Variants in NEO1 observed in about 807,000 individuals in gnomAD.
The protein encoded by NEO1 is neogenin.
NEO1 carries 63 observed loss-of-function variants against 159.7 expected under a neutral mutation model. That is an observed-to-expected ratio of 0.39 (90% CI 0.32 to 0.49). The LOEUF is 0.49. Among genes scored for constraint, NEO1 ranks in the 20% least tolerant of loss-of-function variants. NEO1 has a pLI of 0.85. For synonymous variants in NEO1, 633 were observed against 662.0 expected (o/e 0.96, Z 0.67); for missense variants, 1,615 against 1,831.0 (o/e 0.88, Z 2.15).
At chr15:73,137,233 A>T (rs1231486735) in intron 5 of NEO1, among the ~76,000 whole-genome samples, 1 of 152,190 alleles carries the variant, frequency 6.6e-6, no homozygotes, top group African/African-American at 2.4e-5. Context: ...ATGCTATCTC[A>T]TAGATAATTA....
At chr15:73,054,157 C>T (rs2067592875) in intron 1 of NEO1, among the ~76,000 whole-genome samples, 1 of 152,204 alleles carries the variant, frequency 6.6e-6, no homozygotes, top group Non-Finnish European at 1.5e-5. Context: ...ACTGATCCAA[C>T]TGTCTCTTAG....
intron 3 of NEO1, 117 bp from the exon 4 acceptor site, chr15:73,126,300 G>A (rs1192859637): frequency 2.3e-6 from 2 of 851,970 alleles, no homozygotes; most frequent in East Asian, 2.5e-5. Context: ...AAACTCCTGG[G>A]CTCAAGCAGT....
intron 7 of NEO1, among the ~76,000 whole-genome samples, chr15:73,181,141 T>G (rs971291143): frequency 2.0e-5 from 3 of 152,200 alleles, no homozygotes; most frequent in African/African-American, 7.2e-5. Context: ...TTCTAGATGT[T>G]AATTCAAAGG....
At position 73,260,420 on chromosome 15, in the gene NEO1, A is replaced by C; in HGVS notation, c.2353A>C (p.Ile785Leu). 1 of 1,613,954 alleles carries C rather than the reference A, an allele frequency of 6.2e-7. No homozygotes were observed. Among genetic ancestry groups the C allele is most frequent in the African/African-American group, 1.3e-5 (1 of 75,034 alleles). Residue 785 changes from isoleucine (I) to leucine (L), a missense_variant, in exon 15 of 29, where the codon ATC (isoleucine) becomes CTC (leucine). Around this residue, in one of 3 missense-constraint regions of NEO1, gnomAD observed 1,018 missense variants for 1,115.4 expected, o/e 0.91. Transcript: ENST00000261908. ...YGIGSPHAQT[I>L]KVDYKQRYYT... ...CATTGGCAGCCCTCATGCCCAGACC[A>C]TCAAAGTGGACTATAAACAGCGCTA... is the stretch of plus-strand genomic sequence containing the variant.
At chr15:73,297,563 A>G (rs2042423143) in intron 26 of NEO1, among the ~76,000 whole-genome samples, 1 of 152,228 alleles carries the variant, frequency 6.6e-6, no homozygotes, top group Non-Finnish European at 1.5e-5. Context: ...TCACCCAGCT[A>G]GTACACAAAG....
chr15:73,254,803 G>T lies in NEO1; in HGVS notation c.2066G>T (p.Gly689Val). The change falls in exon 13 of 29, where the codon GGG becomes GTG. Residue 689 changes from glycine (G) to valine (V), a missense_variant. Gly to Val is a moderately radical substitution (Grantham distance 109). Transcript: ENST00000261908. ...KSDVTETLVS[G>V]TQLSQLIEGL... Reference sequence around the variant, plus strand: ...GATGTCACTGAGACCTTGGTAAGCGGGACACAGCTGTCTCAGCTGATTGAA... The same window carrying T: ...GATGTCACTGAGACCTTGGTAAGCGTGACACAGCTGTCTCAGCTGATTGAA... 6.2e-7 allele frequency: 1 copy of T among 1,613,864 alleles called. No individual in the cohort carries two copies. The highest frequency in any genetic ancestry group is 2.2e-5 in the East Asian group (1 of 44,876).
intron 5 of NEO1, among the ~76,000 whole-genome samples, chr15:73,147,845 A>C (rs2033040692): frequency 6.7e-6 from 1 of 149,100 alleles, no homozygotes; most frequent in African/African-American, 2.5e-5. Flanking sequence ...ACAAAATCTC[A>C]CTATGTCGCC....
chr15:73,249,648 C>G lies in NEO1; in HGVS notation c.1821C>G (p.Phe607Leu). 1 of 1,613,806 alleles carries G rather than the reference C, an allele frequency of 6.2e-7. No homozygotes were observed. Reference sequence around the variant, plus strand: ...TGAAAAAATATACAGAGTATAGTTTCCGAGTGGTGGCCTACAATAAACATG... The same window carrying G: ...TGAAAAAATATACAGAGTATAGTTTGCGAGTGGTGGCCTACAATAAACATG... ...NGLKKYTEYSFRVVAYNKHGP... is the reference protein window; with the variant it reads ...NGLKKYTEYSLRVVAYNKHGP... Residue 607 changes from phenylalanine (F) to leucine (L), a missense_variant, in exon 11 of 29, where the codon TTC becomes TTG. By Grantham distance (22) the Phe-to-Leu change is conservative. Coordinates refer to ENST00000261908, the MANE Select transcript of NEO1 (RefSeq NM_002499.4).
chr15:73,277,458 C>T (rs1171241154), intron 21 of NEO1, among the ~76,000 whole-genome samples: 1 of 152,170 alleles, frequency 6.6e-6, no homozygotes, highest in African/African-American at 2.4e-5. Flanking sequence ...TCAGCAGCCT[C>T]ACTTAGTATG....
intron 7 of NEO1, chr15:73,221,991 T>C (rs1000020828): frequency 6.6e-6 from 1 of 152,436 alleles, no homozygotes; most frequent in African/African-American, 2.4e-5. Flanking sequence ...GTACCTCAGA[T>C]GGAAATGCAG....
chr15:73,177,549 A>AG (rs2035349386), intron 6 of NEO1, among the ~76,000 whole-genome samples: 1 of 151,972 alleles, frequency 6.6e-6, no homozygotes, highest in South Asian at 2.1e-4. Flanking sequence ...GTAGTTAAAA[A>AG]TTTTTTTTGT....
At chr15:73,209,714 G>A (rs2061890) in intron 7 of NEO1, among the ~76,000 whole-genome samples, 43,754 of 152,012 alleles carry the variant, frequency 0.29, 7,344 homozygotes, top group East Asian at 0.57. Flanking sequence ...TAGCTTGGCC[G>A]GGCACGGTGG....
At chr15:73,099,219 C>T (rs989063837) in intron 1 of NEO1, among the ~76,000 whole-genome samples, 4 of 152,020 alleles carry the variant, frequency 2.6e-5, no homozygotes, top group African/African-American at 7.2e-5. Flanking sequence ...AGAGGTTTCC[C>T]CTCTTTTCTT....
intron 1 of NEO1, among the ~76,000 whole-genome samples, chr15:73,065,423 A>G (rs1417105348): frequency 2.0e-5 from 3 of 152,122 alleles, no homozygotes; most frequent in African/African-American, 7.2e-5. Context: ...TCTGTCTGAA[A>G]ACATTTGTAT....
intron 16 of NEO1, among the ~76,000 whole-genome samples, chr15:73,267,224 C>G (rs2040947995): frequency 6.6e-6 from 1 of 152,160 alleles, no homozygotes; most frequent in Non-Finnish European, 1.5e-5. Flanking sequence ...TGCCACTGCA[C>G]TCCAGGCTAG....
rs371751098 is a variant in NEO1 at position 73,249,081 on chromosome 15, C to G, written c.1628C>G (p.Pro543Arg). Residue 543 changes from proline (P) to arginine (R), a missense_variant, in exon 10 of 29, where the codon CCT (proline) becomes CGT (arginine). Pro to Arg is a moderately radical substitution (Grantham distance 103, BLOSUM62 -2). Transcript: ENST00000261908. The part of the protein sequence containing the change: ...QPEVQLPGPA[P>R]NLRAYAASPT... The stretch of plus-strand genomic sequence containing the variant: ...CTAGTTCAGCTCCCTGGCCCAGCAC[C>G]TAACCTTCGTGCATATGCAGCTTCG... 1.4e-5 allele frequency: 23 copies of G among 1,613,936 alleles called. No individual in the cohort carries two copies. The highest frequency in any genetic ancestry group is 1.9e-5 in the Non-Finnish European group (23 of 1,179,964).
chr15:73,186,043 C>T (rs900946342), intron 7 of NEO1, among the ~76,000 whole-genome samples: 5 of 151,710 alleles, frequency 3.3e-5, no homozygotes, highest in African/African-American at 4.8e-5. Flanking sequence ...TATGCCTGTA[C>T]ACATCATAGT....
intron 7 of NEO1, among the ~76,000 whole-genome samples, chr15:73,216,201 T>C (rs1178956012): frequency 1.3e-5 from 2 of 152,050 alleles, no homozygotes; most frequent in East Asian, 3.9e-4. Context: ...TTTGTTCTTG[T>C]GATAGTTTAC....
At chr15:73,268,404 T>G (rs143273909) in intron 16 of NEO1, among the ~76,000 whole-genome samples, 80 of 152,300 alleles carry the variant, frequency 5.3e-4, no homozygotes, top group Non-Finnish European at 1.0e-3. Flanking sequence ...GGTTGCTACA[T>G]ATAAGAAAAA....
Sources: allele counts gnomAD v4.1 joint callset (sites outside exome capture counted in the v4.1 genomes callset), GRCh38; gene constraint gnomAD v4.1.1; regional missense constraint gnomAD v4.1.1; transcripts MANE v1.5; gene names NCBI Gene and HGNC (gene_info 2026-07-23, HGNC 2026-07-21).